MYOCD: variants seen among roughly 807,000 people sequenced by gnomAD.
MYOCD encodes the protein myocardin.
Under a neutral mutation model 96.1 loss-of-function variants are expected in MYOCD, and 32 were observed. The observed-to-expected ratio is 0.33, with a 90% confidence interval of 0.25 to 0.45. The LOEUF is 0.45. Ranked by LOEUF, MYOCD falls within the 20% of genes least tolerant of loss-of-function variation. The pLI, the probability that MYOCD is intolerant of heterozygous loss-of-function variation, is 1.00. For missense variants in MYOCD, 1,133 were observed against 1,200.6 expected, an observed-to-expected ratio of 0.94 and a Z score of 0.83; for synonymous variants, 469 against 469.0, an observed-to-expected ratio of 1.00 and a Z score of 0.00.
intron 4 of MYOCD, among the ~76,000 whole-genome samples, chr17:12,721,059 A>G (rs1000683573): frequency 1.7e-4 from 25 of 149,832 alleles, no homozygotes; most frequent in Non-Finnish European, 1.5e-4. Context: ...GACTCTAAGT[A>G]GGGATTTTCC....
rs1597799448 is a variant in MYOCD at position 12,742,881 on chromosome 17, C to CT, written c.718-1294dup. On this transcript the variant is annotated intron_variant, in intron 7 of 13. Transcript: ENST00000425538. ...GCCACCGCGCCCGGCCTGAAAATTA[C>CT]TTTTTTTTAACCTGATAACAGGATG... Among the ~76,000 whole-genome samples, 3 of 151,970 alleles carry CT rather than the reference C, an allele frequency of 2.0e-5. No homozygotes were observed. In the South Asian group the frequency reaches 6.2e-4, roughly 32 times the overall value.
At chr17:12,679,979 A>G (rs1169058880) in intron 1 of MYOCD, among the ~76,000 whole-genome samples, 4 of 152,208 alleles carry the variant, frequency 2.6e-5, no homozygotes, top group Non-Finnish European at 1.5e-5. Flanking sequence ...AAACTTTTAT[A>G]CATTTTTCAA....
At chr17:12,749,828 T>C (rs1253412091) in intron 9 of MYOCD, among the ~76,000 whole-genome samples, 2 of 151,196 alleles carry the variant, frequency 1.3e-5, no homozygotes, top group Non-Finnish European at 2.9e-5. Flanking sequence ...AATATATTAA[T>C]ATTGTTTAAA....
intron 5 of MYOCD, among the ~76,000 whole-genome samples, chr17:12,735,770 G>C (rs1348168651): frequency 6.6e-6 from 1 of 152,086 alleles, no homozygotes; most frequent in Non-Finnish European, 1.5e-5. Flanking sequence ...ATCTCTCATC[G>C]TAAAACCCGA....
In MYOCD at chr17:12,675,431, A is replaced by G. The variant is rs1161778907; in HGVS notation, c.55+9188A>G. On this transcript the variant is annotated intron_variant, in intron 1 of 13. Transcript: ENST00000425538. Reference sequence around the variant, plus strand: ...ATATATTCACAGTATAGAATACAATAAAACACAATGCAAAGCAAAAAGAAA... The same window carrying G: ...ATATATTCACAGTATAGAATACAATGAAACACAATGCAAAGCAAAAAGAAA... 6.6e-5 allele frequency among the ~76,000 whole-genome samples: 10 copies of G among 152,378 alleles called. No individual in the cohort carries two copies. In the South Asian group the frequency reaches 2.1e-3, roughly 32 times the overall value.
intron 5 of MYOCD, among the ~76,000 whole-genome samples, chr17:12,733,650 C>T (rs2032245748): frequency 2.6e-5 from 4 of 151,974 alleles, no homozygotes; most frequent in South Asian, 2.1e-4. Context: ...TGTGGATCAC[C>T]TGAGGTCAGG....
In MYOCD at chr17:12,765,787, T is replaced by G. The variant is rs1433799203; in HGVS notation, c.*2143T>G. On this transcript the variant is annotated 3_prime_UTR_variant, in exon 14 of 14. Transcript: ENST00000425538. Reference sequence around the variant, plus strand: ...CTTGCTTATCGTGAACAAGCTCATCTTGGCAATGAATATGGATGTGAAAAG... The same window carrying G: ...CTTGCTTATCGTGAACAAGCTCATCGTGGCAATGAATATGGATGTGAAAAG... 6.6e-6 allele frequency: 1 copy of G among 152,198 alleles called. No individual in the cohort carries two copies. Among genetic ancestry groups the G allele is most frequent in the African/African-American group, 2.4e-5 (1 of 41,454 alleles). The allele number at this position is 152,198 out of a possible 1,614,324, so 9.4% of individuals were successfully genotyped here. A position where few individuals can be genotyped will look rare whatever the true frequency, so the allele number is the denominator to read the frequency against.
intron 10 of MYOCD, among the ~76,000 whole-genome samples, chr17:12,755,897 T>A (rs915365269): frequency 1.3e-5 from 2 of 151,812 alleles, no homozygotes; most frequent in African/African-American, 4.8e-5. Flanking sequence ...AATAAAAAAA[T>A]AAAGAACAAT....
At chr17:12,706,885 G>GA (rs1168446494) in intron 2 of MYOCD, among the ~76,000 whole-genome samples, 1 of 152,102 alleles carries the variant, frequency 6.6e-6, no homozygotes, top group East Asian at 1.9e-4. Flanking sequence ...ATAATTTCTA[G>GA]AAAAAAATCC....
intron 12 of MYOCD, 196 bp from the exon 13 acceptor site, chr17:12,760,453 AT>A: frequency 1.8e-6 from 1 of 551,192 alleles, no homozygotes; most frequent in Non-Finnish European, 3.3e-6. Context: ...AATTGTGTGA[AT>A]GTACTTAATG....
intron 1 of MYOCD, chr17:12,671,963 G>A (rs1423628558): frequency 6.6e-6 from 1 of 152,216 alleles, no homozygotes; most frequent in Non-Finnish European, 1.5e-5. Context: ...CAAGGGGGAG[G>A]AGCCAGCAGG....
At chr17:12,712,124 G>A (rs2031499847) in intron 2 of MYOCD, among the ~76,000 whole-genome samples, 1 of 151,978 alleles carries the variant, frequency 6.6e-6, no homozygotes, top group Non-Finnish European at 1.5e-5. Flanking sequence ...GCCTCCCAAA[G>A]TGCTGAGATT....
chr17:12,725,299 A>C (rs1437076498), intron 5 of MYOCD, among the ~76,000 whole-genome samples: 2 of 151,060 alleles, frequency 1.3e-5, no homozygotes, highest in Non-Finnish European at 3.0e-5. Context: ...CATATTATAG[A>C]ATTAATATAT....
intron 8 of MYOCD, among the ~76,000 whole-genome samples, chr17:12,744,717 A>AT (rs1363400720): frequency 6.6e-6 from 1 of 152,162 alleles, no homozygotes; most frequent in Admixed American, 6.5e-5. Flanking sequence ...CATATACTGT[A>AT]TTTTTCTTAG....
intron 1 of MYOCD, among the ~76,000 whole-genome samples, chr17:12,672,441 G>GT (rs137972036): frequency 0.13 from 19,314 of 152,206 alleles, 1,558 homozygotes; most frequent in South Asian, 0.23. Flanking sequence ...AGAATAGCTA[G>GT]TAAGTCAAGC....
intron 10 of MYOCD, among the ~76,000 whole-genome samples, chr17:12,755,820 C>T (rs971173680): frequency 2.6e-5 from 4 of 152,040 alleles, no homozygotes; most frequent in South Asian, 4.2e-4. Context: ...TGCAGTGAGC[C>T]GAGATCGCAC....
At chr17:12,755,145 A>T (rs2150722745) in intron 10 of MYOCD, among the ~76,000 whole-genome samples, 1 of 152,340 alleles carries the variant, frequency 6.6e-6, no homozygotes. Flanking sequence ...TATTGTCATA[A>T]TTAACAAACA....
At chr17:12,676,017 T>G (rs1046846319) in intron 1 of MYOCD, among the ~76,000 whole-genome samples, 1 of 152,190 alleles carries the variant, frequency 6.6e-6, no homozygotes, top group South Asian at 2.1e-4. Context: ...TAAAACTGTA[T>G]TCGTATCTAC....
chr17:12,668,934 G>A (rs1481077519), intron 1 of MYOCD, among the ~76,000 whole-genome samples: 8 of 151,998 alleles, frequency 5.3e-5, no homozygotes, highest in Admixed American at 5.2e-4. Flanking sequence ...TTATTTAATC[G>A]GTAAATGTTG....
Sources: allele counts gnomAD v4.1 joint callset (sites outside exome capture counted in the v4.1 genomes callset), GRCh38; gene constraint gnomAD v4.1.1; transcripts MANE v1.5; gene names NCBI Gene and HGNC (gene_info 2026-07-23, HGNC 2026-07-21).